The following ZNF232 variants were observed in gnomAD, a reference collection of about 807,000 sequenced individuals.
The protein encoded by ZNF232 is zinc finger and SCAN domain-containing protein 11.
Under a neutral mutation model 25.2 loss-of-function variants are expected in ZNF232, and 25 were observed. The observed-to-expected ratio is 0.99, with a 90% CI of 0.72 to 1.39. The LOEUF (loss-of-function observed/expected upper bound fraction) is 1.39, where lower values mean the gene tolerates loss of function less well. Ranked by LOEUF, ZNF232 falls within the 40% of genes most tolerant of loss-of-function variation. ZNF232 has a pLI of 0.00. For synonymous variants in ZNF232, 193 were observed against 182.9 expected, an observed-to-expected ratio of 1.06 and a Z score of -0.45; for missense variants, 519 against 520.9, an observed-to-expected ratio of 1.00 and a Z score of 0.04.
At chr17:5,106,160 A>G (rs773370694) in exon 4 of ZNF232, 1 of 1,614,186 alleles carries the variant, frequency 6.2e-7, no homozygotes, top group Admixed American at 1.7e-5. Context: ...CACAGTCACT[A>G]CACTTATAGG....
At chr17:5,110,550 G>A (rs1245288136) in intron 1 of ZNF232, among the ~76,000 whole-genome samples, 1 of 152,190 alleles carries the variant, frequency 6.6e-6, no homozygotes, top group Middle Eastern at 3.2e-3. Context: ...TGTTGGGGAG[G>A]CAGCCTCCTC....
chr17:5,122,433 T>G (rs896919860), intron 1 of ZNF232, among the ~76,000 whole-genome samples: 1 of 152,196 alleles, frequency 6.6e-6, no homozygotes, highest in African/African-American at 2.4e-5. Context: ...GGAGTCTCCA[T>G]GCTTAGTCAC....
At chr17:5,115,555 A>AACACACACACACAC (rs61171102), upstream of ZNF232, among the ~76,000 whole-genome samples, 4,927 of 148,706 alleles carry the variant, frequency 0.033, 95 homozygotes, top group East Asian at 0.081. Context: ...CGTCTCCAAA[A>AACACACACACACAC]ACACACACAC....
At chr17:5,109,210 G>C (rs1227682294) in intron 2 of ZNF232, 158 bp from the exon 3 acceptor site, 2 of 1,248,592 alleles carry the variant, frequency 1.6e-6, no homozygotes, top group African/African-American at 3.0e-5. Context: ...GGGAAGAAGA[G>C]GAGCTAGAGT....
upstream of ZNF232, chr17:5,111,955 C>G (rs1159887092): frequency 7.3e-7 from 1 of 1,361,782 alleles, no homozygotes; most frequent in Non-Finnish European, 9.8e-7. Flanking sequence ...GGACTTTGGC[C>G]CAGGCGCGTG....
chr17:5,116,510 G>C (rs954378537), upstream of ZNF232: 1 of 152,370 alleles, frequency 6.6e-6, no homozygotes, highest in Non-Finnish European at 1.5e-5. Flanking sequence ...AAAGGCCAGT[G>C]CCTGTCCGGG....
At chr17:5,115,219 G>T (rs1346593599), upstream of ZNF232, among the ~76,000 whole-genome samples, 3 of 152,104 alleles carry the variant, frequency 2.0e-5, no homozygotes, top group African/African-American at 7.2e-5. Context: ...AGGAGATGTG[G>T]CCAGTGAGCC....
rs1436996822 is a variant in ZNF232 at position 5,105,747 on chromosome 17, A to T, written c.*77T>A. On this transcript the variant is annotated 3_prime_UTR_variant, in exon 4 of 4. Transcript: ENST00000575898. The stretch of plus-strand genomic sequence containing the variant: ...ACACAGGAAAAATCTTAAGGAACTT[A>T]TAACTTTTATGGGATCCAGTCCTAA... 4.4e-6 allele frequency: 6 copies of T among 1,368,804 alleles called. No individual in the cohort carries two copies. In the Admixed American group the frequency reaches 1.4e-4, roughly 32 times the overall value. 84.8% of individuals were successfully genotyped at this position (1,368,804 alleles called of 1,614,324 possible). A position where few individuals can be genotyped will look rare whatever the true frequency, so the allele number is the denominator to read the frequency against.
At chr17:5,121,199 C>T (rs990406017) in intron 1 of ZNF232, among the ~76,000 whole-genome samples, 6 of 152,190 alleles carry the variant, frequency 3.9e-5, no homozygotes, top group East Asian at 1.9e-4. Flanking sequence ...TGCAAACAAC[C>T]GCAGAGCAGG....
At chr17:5,118,831 C>T (rs1394808371) in intron 1 of ZNF232, among the ~76,000 whole-genome samples, 1 of 152,184 alleles carries the variant, frequency 6.6e-6, no homozygotes, top group Non-Finnish European at 1.5e-5. Context: ...AAAGTCTGGC[C>T]ATCTCTCTCA....
At chr17:5,120,595 T>C in intron 1 of ZNF232, 1 of 364,222 alleles carries the variant, frequency 2.7e-6, no homozygotes, top group East Asian at 7.3e-5. Context: ...CAGGATGGCC[T>C]TGGGTGAGCT....
intron 1 of ZNF232, 160 bp downstream of exon 1, chr17:5,111,640 G>C (rs1454548997): frequency 1.9e-6 from 2 of 1,053,826 alleles, no homozygotes; most frequent in East Asian, 2.6e-5. Context: ...ACGCAACGCA[G>C]GTAGCGCAGC....
upstream of ZNF232, among the ~76,000 whole-genome samples, chr17:5,112,925 C>CT (rs1222829088): frequency 6.6e-6 from 1 of 151,782 alleles, no homozygotes; most frequent in Non-Finnish European, 1.5e-5. Flanking sequence ...TGCCACTGCA[C>CT]TCTAGCCTGG....
chr17:5,106,871 GA>G (rs2072272881), intron 3 of ZNF232, among the ~76,000 whole-genome samples: 1 of 152,118 alleles, frequency 6.6e-6, no homozygotes, highest in African/African-American at 2.4e-5. Flanking sequence ...AAACATGAAA[GA>G]ATCATTAGGG....
At chr17:5,110,152 A>G (rs559978730) in intron 1 of ZNF232, among the ~76,000 whole-genome samples, 2 of 152,202 alleles carry the variant, frequency 1.3e-5, no homozygotes, top group South Asian at 4.1e-4. Context: ...TCGGCCTCCC[A>G]AAGTGGTAGG....
chr17:5,109,192 C>A (rs1427021626), intron 2 of ZNF232, 140 bp from the exon 3 acceptor site: 1 of 1,334,584 alleles, frequency 7.5e-7, no homozygotes, highest in Non-Finnish European at 1.0e-6. Flanking sequence ...TCCTCAGAGT[C>A]AGCACAAGGG....
At chr17:5,112,015 G>T, upstream of ZNF232, 2 of 835,306 alleles carry the variant, frequency 2.4e-6, no homozygotes, top group Non-Finnish European at 3.6e-6. Flanking sequence ...GGACTTGAGC[G>T]GAGCGAGAAA....
rs754896531 is a variant in ZNF232 at position 5,109,398 on chromosome 17, G to C, written c.494C>G (p.Pro165Arg). The change falls in exon 2 of 4, where the codon CCG becomes CGG. Residue 165 changes from proline to arginine, a missense_variant. Pro to Arg is a moderately radical substitution (Grantham distance 103, BLOSUM62 -2). Transcript: ENST00000575898. ...AGACCAAATCCCCCTTCCCACCTGC[G>C]GCTCTGGTTCAAGTCCTTTCTCTAA... 6.8e-6 allele frequency: 11 copies of C among 1,614,026 alleles called. No individual in the cohort carries two copies. Among genetic ancestry groups the C allele is most frequent in the Middle Eastern group, 1.7e-4 (1 of 6,060 alleles).
intron 2 of ZNF232, 126 bp downstream of exon 2, chr17:5,109,268 A>T: frequency 7.8e-7 from 1 of 1,277,380 alleles, no homozygotes; most frequent in Non-Finnish European, 1.1e-6. Context: ...ACACAGAAAC[A>T]CATACTAACT....
Sources: allele counts gnomAD v4.1 joint callset (sites outside exome capture counted in the v4.1 genomes callset), GRCh38; gene constraint gnomAD v4.1.1; transcripts MANE v1.5; gene names NCBI Gene and HGNC (gene_info 2026-07-23, HGNC 2026-07-21).